Variants in NCAM2 observed in about 807,000 individuals in gnomAD.
NCAM2 encodes neural cell adhesion molecule 2.
NCAM2 carries 30 observed loss-of-function variants against 98.1 expected under a neutral mutation model. The ratio of observed to expected loss-of-function variants is 0.31; its 90% confidence interval spans 0.23 to 0.41. The LOEUF (loss-of-function observed/expected upper bound fraction) is 0.41, where lower values mean the gene tolerates loss of function less well. NCAM2 is among the 10% of genes least tolerant of loss of function. NCAM2 has a pLI of 1.00. For missense variants in NCAM2, 867 were observed against 1,005.8 expected (o/e 0.86, Z 1.87); for synonymous variants, 368 against 342.4 (o/e 1.07, Z -0.83).
intron 5 of NCAM2, among the ~76,000 whole-genome samples, chr21:21,310,192 A>T (rs180794465): frequency 6.6e-6 from 1 of 152,246 alleles, no homozygotes; most frequent in African/African-American, 2.4e-5. Flanking sequence ...ATCTTGTTCT[A>T]TAATAAATTA....
intron 5 of NCAM2, among the ~76,000 whole-genome samples, chr21:21,319,553 A>G (rs1402662583): frequency 6.6e-6 from 1 of 152,184 alleles, no homozygotes; most frequent in Non-Finnish European, 1.5e-5. Flanking sequence ...AGGCAGGAGA[A>G]TCACTTGAAC....
intron 15 of NCAM2, among the ~76,000 whole-genome samples, chr21:21,502,285 C>T (rs960960544): frequency 6.6e-6 from 1 of 151,804 alleles, no homozygotes; most frequent in East Asian, 1.9e-4. Flanking sequence ...AATTTTCTAT[C>T]CATGTATCAA....
chr21:21,253,176 C>A (rs2147298260), intron 1 of NCAM2, among the ~76,000 whole-genome samples: 1 of 152,308 alleles, frequency 6.6e-6, no homozygotes, highest in South Asian at 2.1e-4. Context: ...TTATGCACTT[C>A]TCTCACATTC....
chr21:21,018,238 C>G (rs192823549), intron 1 of NCAM2, among the ~76,000 whole-genome samples: 1 of 152,274 alleles, frequency 6.6e-6, no homozygotes, highest in East Asian at 1.9e-4. Context: ...CAAAGAAACT[C>G]CCAACACACA....
At chr21:21,340,609 A>C (rs769222467) in intron 8 of NCAM2, among the ~76,000 whole-genome samples, 1 of 151,992 alleles carries the variant, frequency 6.6e-6, no homozygotes, top group African/African-American at 2.4e-5. Context: ...CCAGTCAATA[A>C]AGAAATTAAG....
intron 1 of NCAM2, among the ~76,000 whole-genome samples, chr21:21,103,467 T>C (rs1282977612): frequency 1.9e-5 from 1 of 53,242 alleles, no homozygotes; most frequent in African/African-American, 7.7e-5. Context: ...AAGAGGAATG[T>C]ATATATGTAC....
At chr21:21,106,428 T>C (rs1175570498) in intron 1 of NCAM2, among the ~76,000 whole-genome samples, 2 of 151,960 alleles carry the variant, frequency 1.3e-5, no homozygotes, top group Non-Finnish European at 2.9e-5. Context: ...GCCAACATTA[T>C]TTTTAAATAT....
intron 9 of NCAM2, among the ~76,000 whole-genome samples, chr21:21,399,501 C>G (rs541102366): frequency 2.0e-5 from 3 of 152,254 alleles, no homozygotes; most frequent in Admixed American, 2.0e-4. Context: ...AGGACATAAT[C>G]TACAATACAA....
At chr21:21,427,818 C>G (rs2077247939) in intron 11 of NCAM2, among the ~76,000 whole-genome samples, 1 of 152,054 alleles carries the variant, frequency 6.6e-6, no homozygotes, top group South Asian at 2.1e-4. Context: ...TGATACATGT[C>G]AATGGATACA....
chr21:21,098,036 C>T (rs1313424967), intron 1 of NCAM2, among the ~76,000 whole-genome samples: 1 of 150,176 alleles, frequency 6.7e-6, no homozygotes, highest in Non-Finnish European at 1.5e-5. Flanking sequence ...TTTAGCTAGT[C>T]GAATATCTCT....
At chr21:21,378,676 A>G (rs1329290184) in intron 9 of NCAM2, among the ~76,000 whole-genome samples, 3 of 152,072 alleles carry the variant, frequency 2.0e-5, no homozygotes, top group Non-Finnish European at 2.9e-5. Flanking sequence ...GTGTGCATCA[A>G]TAATTTATAC....
chr21:21,365,953 G>A (rs2075774912), intron 8 of NCAM2, among the ~76,000 whole-genome samples: 1 of 130,458 alleles, frequency 7.7e-6, no homozygotes, highest in African/African-American at 2.9e-5. Flanking sequence ...CTTTGAAAAA[G>A]CTTTGTACTG....
rs998460641 is a variant in NCAM2, at chr21:21,017,191, C to T, written c.55+18573C>T. Among the ~76,000 whole-genome samples, 6 of 86,154 alleles carry T rather than the reference C, an allele frequency of 7.0e-5. No individual in the cohort carries two copies. The Admixed American group carries it at 7.3e-4, about 10-fold the overall frequency. The allele number at this position is 86,154 out of a possible 152,430, so 56.5% of individuals were successfully genotyped here. A position where few individuals can be genotyped will look rare whatever the true frequency, so the allele number is the denominator to read the frequency against. ...CTATAATCCCAGCACTTTGGGAAGC[C>T]GAGGTGGGCATATCACTAGGTTAGA... On this transcript the variant is annotated intron_variant, in intron 1 of 17. Transcript: ENST00000400546.
chr21:21,338,564 C>T (rs762626820), intron 8 of NCAM2, 30 bp downstream of exon 8: 82 of 1,519,154 alleles, frequency 5.4e-5, no homozygotes, highest in Non-Finnish European at 6.9e-5. Flanking sequence ...TAATGGTTTC[C>T]ATTACCATGC....
At position 21,540,328 on chromosome 21, in the gene NCAM2, CAT is replaced by C. The variant is rs1190689118; in HGVS notation, c.*2372_*2373del. On this transcript the variant is annotated 3_prime_UTR_variant, in exon 18 of 18. Coordinates refer to ENST00000400546, the MANE Select transcript of NCAM2 (RefSeq NM_004540.5). The stretch of plus-strand genomic sequence containing the variant: ...ATATGATGTTAAATTTCCTGCCACT[CAT>C]GTGGAGTAATGATCTGAAATTAACA... 6.6e-6 allele frequency: 1 copy of C among 150,670 alleles called. No individual in the cohort carries two copies. The highest frequency in any genetic ancestry group is 1.5e-5 in the Non-Finnish European group (1 of 67,744). The allele number at this position is 150,670 out of a possible 1,614,324, so 9.3% of individuals were successfully genotyped here. A position where few individuals can be genotyped will look rare whatever the true frequency, so the allele number is the denominator to read the frequency against.
intron 1 of NCAM2, among the ~76,000 whole-genome samples, chr21:21,265,012 A>AT (rs796677673): frequency 0.01 from 2 of 196 alleles, no homozygotes; most frequent in African/African-American, 0.024. Context: ...ATACACATAT[A>AT]TATTATATAT....
intron 1 of NCAM2, among the ~76,000 whole-genome samples, chr21:21,081,525 G>A (rs1469477505): frequency 2.6e-5 from 4 of 152,150 alleles, no homozygotes; most frequent in African/African-American, 9.7e-5. Context: ...TCTCAACTGG[G>A]CATGGTGGCT....
chr21:21,488,742 T>G (rs1041016788), intron 15 of NCAM2, among the ~76,000 whole-genome samples: 5 of 151,812 alleles, frequency 3.3e-5, no homozygotes, highest in Non-Finnish European at 7.4e-5. Context: ...TAAGCAACAT[T>G]AAGAGCTTGA....
chr21:21,538,572 A>C lies in NCAM2; in HGVS notation c.*615A>C, dbSNP rs1187070045. ...TTCAACATTGATTTTTGATAGACTGAAGTGCCAGATCAAAATTGTTACCCA... is the reference window on the plus strand; with the variant it reads ...TTCAACATTGATTTTTGATAGACTGCAGTGCCAGATCAAAATTGTTACCCA... On this transcript the variant is annotated 3_prime_UTR_variant, in exon 18 of 18. Transcript: ENST00000400546. The C allele has an allele frequency of 6.6e-6, 1 of 152,492 alleles. No individual in the cohort carries two copies. Among genetic ancestry groups the C allele is most frequent in the Non-Finnish European group, 1.5e-5 (1 of 68,008 alleles). 9.4% of individuals were successfully genotyped at this position (152,492 alleles called of 1,614,324 possible). A position where few individuals can be genotyped will look rare whatever the true frequency, so the allele number is the denominator to read the frequency against.
Sources: allele counts gnomAD v4.1 joint callset (sites outside exome capture counted in the v4.1 genomes callset), GRCh38; gene constraint gnomAD v4.1.1; transcripts MANE v1.5; gene names NCBI Gene and HGNC (gene_info 2026-07-23, HGNC 2026-07-21).